Variants in SLC7A11 observed in about 807,000 individuals in gnomAD.
SLC7A11 encodes cystine/glutamate transporter.
Under a neutral mutation model 54.5 loss-of-function variants are expected in SLC7A11, and 35 were observed. That is an observed-to-expected ratio of 0.64 (90% confidence interval 0.49 to 0.85). The LOEUF (loss-of-function observed/expected upper bound fraction) is 0.85. Ranked by LOEUF, SLC7A11 falls within the 40% of genes least tolerant of loss-of-function variation. The pLI is 0.00. For synonymous variants in SLC7A11, 230 were observed against 225.2 expected, an observed-to-expected ratio of 1.02 and a Z score of -0.19; for missense variants, 583 against 618.1, an observed-to-expected ratio of 0.94 and a Z score of 0.60.
In SLC7A11 at chr4:138,235,674, G is replaced by A. The variant is rs377470351; in HGVS notation, c.404+651C>T. 1.8e-3 allele frequency among the ~76,000 whole-genome samples: 278 copies of A among 152,256 alleles called. 2 individuals carry two copies. Among genetic ancestry groups the A allele is most frequent in the African/African-American group, 6.1e-3 (254 of 41,550 alleles). On this transcript the variant is annotated intron_variant, in intron 2 of 11. Coordinates refer to ENST00000280612, the MANE Select transcript of SLC7A11 (RefSeq NM_014331.4). ...GACATCATAAGCTTCCCACAAAGTC[G>A]AAGGAAATTTGCTATTCAGAGTGAC...
intron 6 of SLC7A11, among the ~76,000 whole-genome samples, chr4:138,204,317 T>A (rs1437980103): frequency 6.6e-6 from 1 of 152,076 alleles, no homozygotes; most frequent in South Asian, 2.1e-4. Flanking sequence ...GAAGATAATA[T>A]ACATCATGTT....
At position 138,170,176 on chromosome 4, in the gene SLC7A11, CATTAT is replaced by C. The variant is rs1210095259; in HGVS notation, c.*1775_*1779del. 3.8e-5 allele frequency: 5 copies of C among 131,002 alleles called. No homozygotes were observed. Among genetic ancestry groups the C allele is most frequent in the East Asian group, 4.8e-4 (2 of 4,204 alleles). 8.1% of individuals were successfully genotyped at this position (131,002 alleles called of 1,614,324 possible). A position where few individuals can be genotyped will look rare whatever the true frequency, so the allele number is the denominator to read the frequency against. Reference sequence around the variant, plus strand: ...TATAAATAACAGTTCAAAATTTCATCATTATATTACTCTCATTTGTAAGTTCCACT... The same window carrying C: ...TATAAATAACAGTTCAAAATTTCATCATTACTCTCATTTGTAAGTTCCACT... On this transcript the variant is annotated 3_prime_UTR_variant, in exon 12 of 12. Transcript: ENST00000280612.
intron 6 of SLC7A11, 105 bp downstream of exon 6, chr4:138,214,480 G>A (rs557510039): frequency 1.8e-6 from 1 of 554,222 alleles, no homozygotes; most frequent in East Asian, 3.5e-5. Context: ...ACGATGTTAA[G>A]GTTGACTAGC....
rs766598530 is a variant in SLC7A11, at chr4:138,214,654, A to C, written c.747-25T>G. ...CCTAAAAATAGATAAATAAATTATA[A>C]ACTATTAATATATTTTACCATTATC... On this transcript the variant is annotated intron_variant, in intron 5 of 11. Coordinates refer to ENST00000280612, the MANE Select transcript of SLC7A11 (RefSeq NM_014331.4). 5.5e-6 allele frequency: 5 copies of C among 906,698 alleles called. No homozygotes were observed. The Admixed American group carries it at 1.3e-4, about 23-fold the overall frequency. The allele number at this position is 906,698 out of a possible 1,614,324, so 56.2% of individuals were successfully genotyped here. A position where few individuals can be genotyped will look rare whatever the true frequency, so the allele number is the denominator to read the frequency against.
chr4:138,180,708 A>G lies in SLC7A11; in HGVS notation c.1199T>C (p.Ile400Thr), dbSNP rs1736716203. ...AATCAGCCCAGCAACTGCCAGCCCA[A>G]TAAAAAGCCACCTGGCAAAACTGAG... ...NFLSFARWLF[I>T]GLAVAGLIYL... Residue 400 changes from isoleucine to threonine, a missense_variant, in exon 10 of 12, where the codon ATT becomes ACT. Coordinates refer to ENST00000280612, the MANE Select transcript of SLC7A11 (RefSeq NM_014331.4). 6.2e-6 allele frequency: 10 copies of G among 1,613,064 alleles called. No homozygotes were observed. Among genetic ancestry groups the G allele is most frequent in the Non-Finnish European group, 7.6e-6 (9 of 1,179,432 alleles).
At chr4:138,186,736 G>A (rs926803859) in intron 6 of SLC7A11, among the ~76,000 whole-genome samples, 2 of 152,050 alleles carry the variant, frequency 1.3e-5, no homozygotes, top group African/African-American at 4.8e-5. Context: ...ATGGCATAAA[G>A]CAAATTAAAG....
At chr4:138,206,681 C>G (rs952120185) in intron 6 of SLC7A11, among the ~76,000 whole-genome samples, 1 of 151,704 alleles carries the variant, frequency 6.6e-6, no homozygotes, top group African/African-American at 2.4e-5. Flanking sequence ...ACACTTCAGC[C>G]TTATATGAAC....
rs201311018 is a variant in SLC7A11 at position 138,202,752 on chromosome 4, G to A, written c.791+11833C>T. On this transcript the variant is annotated intron_variant, in intron 6 of 11. Transcript: ENST00000280612. ...AGCCGATAACCCAGAGGCTCAGAGA[G>A]GACAAAAGATGTAGCTAAGGACATA... 1.6e-4 allele frequency among the ~76,000 whole-genome samples: 24 copies of A among 152,150 alleles called. No individual in the cohort carries two copies. In the East Asian group the frequency reaches 4.3e-3, roughly 27 times the overall value.
intron 3 of SLC7A11, among the ~76,000 whole-genome samples, chr4:138,230,409 A>G (rs1198306094): frequency 1.2e-5 from 1 of 80,486 alleles, no homozygotes; most frequent in African/African-American, 3.8e-5. Context: ...CTCAAAATGA[A>G]AGCTAAAAAA....
At chr4:138,236,761 G>C (rs941346330) in intron 1 of SLC7A11, among the ~76,000 whole-genome samples, 1 of 152,088 alleles carries the variant, frequency 6.6e-6, no homozygotes, top group African/African-American at 2.4e-5. Context: ...CCTGGAAATA[G>C]GGGAAAAAGA....
intron 3 of SLC7A11, among the ~76,000 whole-genome samples, chr4:138,226,734 T>C (rs752880171): frequency 2.6e-5 from 4 of 152,162 alleles, no homozygotes; most frequent in Admixed American, 6.5e-5. Flanking sequence ...AAATAATATA[T>C]ACTTTTAAAA....
chr4:138,200,854 C>A (rs1306378175), intron 6 of SLC7A11, among the ~76,000 whole-genome samples: 1 of 152,016 alleles, frequency 6.6e-6, no homozygotes, highest in Non-Finnish European at 1.5e-5. Flanking sequence ...AAGAAGGTAA[C>A]CAAGTAGAGA....
chr4:138,204,191 A>G (rs896208392), intron 6 of SLC7A11, among the ~76,000 whole-genome samples: 1 of 152,104 alleles, frequency 6.6e-6, no homozygotes, highest in African/African-American at 2.4e-5. Context: ...TAGAAAGAGT[A>G]TGAGCTCTAG....
At chr4:138,172,937 A>G (rs770304891) in intron 11 of SLC7A11, among the ~76,000 whole-genome samples, 1 of 152,016 alleles carries the variant, frequency 6.6e-6, no homozygotes, top group Non-Finnish European at 1.5e-5. Context: ...TCCACCTCCC[A>G]GATTCACGCG....
chr4:138,178,566 T>C (rs1040680316), intron 11 of SLC7A11, among the ~76,000 whole-genome samples: 2 of 152,150 alleles, frequency 1.3e-5, no homozygotes, highest in South Asian at 2.1e-4. Context: ...ACACTGTTTT[T>C]CCACAATGGT....
At chr4:138,177,495 C>CA (rs1736607508) in intron 11 of SLC7A11, 1 of 151,904 alleles carries the variant, frequency 6.6e-6, no homozygotes, top group Admixed American at 6.6e-5. Context: ...CCGCCCCCCC[C>CA]ACTTCCACAA....
At position 138,165,005 on chromosome 4, in the gene SLC7A11, C is replaced by T. The variant is rs1364328779; in HGVS notation, c.*6951G>A. 5 of 152,128 alleles carry T rather than the reference C, an allele frequency of 3.3e-5. No individual in the cohort carries two copies. In the East Asian group the frequency reaches 7.7e-4, roughly 23 times the overall value. The allele number at this position is 152,128 out of a possible 1,614,324, so 9.4% of individuals were successfully genotyped here. Reference sequence around the variant, plus strand: ...TGGGCTAAATGGACTCCACTTGTTGCAAATTATAAATGCTTGTCACAGAAT... The same window carrying T: ...TGGGCTAAATGGACTCCACTTGTTGTAAATTATAAATGCTTGTCACAGAAT... On this transcript the variant is annotated 3_prime_UTR_variant, in exon 12 of 12. Coordinates refer to ENST00000280612, the MANE Select transcript of SLC7A11 (RefSeq NM_014331.4).
intron 6 of SLC7A11, among the ~76,000 whole-genome samples, chr4:138,189,390 C>T (rs983310731): frequency 6.6e-6 from 1 of 152,042 alleles, no homozygotes; most frequent in African/African-American, 2.4e-5. Context: ...AAAACCAAGG[C>T]TCAGAGAGGT....
chr4:138,226,256 TA>T (rs746001608), intron 3 of SLC7A11, among the ~76,000 whole-genome samples: 3 of 152,094 alleles, frequency 2.0e-5, no homozygotes, highest in Non-Finnish European at 4.4e-5. Context: ...CTCAAAAAAC[TA>T]AAAATAAATC....
Sources: allele counts gnomAD v4.1 joint callset (sites outside exome capture counted in the v4.1 genomes callset), GRCh38; gene constraint gnomAD v4.1.1; transcripts MANE v1.5; gene names NCBI Gene and HGNC (gene_info 2026-07-23, HGNC 2026-07-21).